Variants in ANKRD26 observed in about 807,000 individuals in gnomAD.
The protein encoded by ANKRD26 is ankyrin repeat domain 26.
Under a neutral mutation model 208.7 loss-of-function variants are expected in ANKRD26, and 141 were observed. That is an observed-to-expected ratio of 0.68 (90% confidence interval 0.59 to 0.78). ANKRD26 has a LOEUF of 0.78. Ranked by LOEUF, ANKRD26 falls within the 30% of genes least tolerant of loss-of-function variation. The pLI is 0.00. For synonymous variants in ANKRD26, 636 were observed against 660.4 expected, an observed-to-expected ratio of 0.96 and a Z score of 0.57; for missense variants, 1,889 against 1,938.7, an observed-to-expected ratio of 0.97 and a Z score of 0.48.
intron 25 of ANKRD26, among the ~76,000 whole-genome samples, chr10:27,032,647 A>C (rs1179844840): frequency 6.6e-6 from 1 of 150,418 alleles, no homozygotes; most frequent in East Asian, 2.0e-4. Flanking sequence ...AAAAAAAAAC[A>C]AAAAACAAAA....
chr10:26,993,396 T>C (rs2052524446), intron 5 of ANKRD26, among the ~76,000 whole-genome samples: 1 of 152,214 alleles, frequency 6.6e-6, no homozygotes, highest in Non-Finnish European at 1.5e-5. Context: ...ATCCACCCCA[T>C]ATCTCCTGGA....
intron 25 of ANKRD26, among the ~76,000 whole-genome samples, chr10:27,029,838 T>G (rs141316011): frequency 1.3e-5 from 2 of 152,174 alleles, no homozygotes; most frequent in African/African-American, 4.8e-5. Flanking sequence ...CAACTAGATA[T>G]TCATGAAACT....
intron 5 of ANKRD26, among the ~76,000 whole-genome samples, chr10:26,993,966 T>C (rs1160591772): frequency 2.0e-5 from 3 of 152,208 alleles, no homozygotes; most frequent in African/African-American, 7.2e-5. Flanking sequence ...GGTTGTGAAA[T>C]TCATTTTAAC....
intron 7 of ANKRD26, 89 bp from the exon 8 acceptor site, chr10:27,077,782 A>G (rs1007697710): frequency 2.6e-6 from 3 of 1,145,290 alleles, no homozygotes; most frequent in African/African-American, 1.5e-5. Context: ...CCATTACTAC[A>G]TGATCTAACA....
At position 27,035,138 on chromosome 10, in the gene ANKRD26, TGTTTGGCTTA is replaced by T; in HGVS notation, c.3302_3311del (p.Leu1101HisfsTer5). 3.1e-6 allele frequency: 5 copies of T among 1,613,774 alleles called. No homozygotes were observed. The highest frequency in any genetic ancestry group is 4.2e-6 in the Non-Finnish European group (5 of 1,179,856). On this transcript the variant is annotated frameshift_variant, in exon 24 of 34. Transcript: ENST00000376087. LOFTEE classifies it high-confidence loss of function. ...GTTCCATTTCCTTCATTTGACACTG[TGTTTGGCTTA>T]GGTCCTTTTGTACCCGTTCTAAACC...
intron 9 of ANKRD26, among the ~76,000 whole-genome samples, chr10:27,068,018 C>A (rs532473611): frequency 6.6e-6 from 1 of 152,234 alleles, no homozygotes; most frequent in Non-Finnish European, 1.5e-5. Flanking sequence ...AGTAAGGGCA[C>A]AAAAGAGAAC....
chr10:27,045,111 C>G (rs1265370724), intron 18 of ANKRD26, among the ~76,000 whole-genome samples: 1 of 152,178 alleles, frequency 6.6e-6, no homozygotes, highest in East Asian at 1.9e-4. Context: ...CTACTCAACT[C>G]TTTATTCATG....
chr10:26,960,852 C>T, the ANKRD26 span, among the ~76,000 whole-genome samples: 16 of 152,168 alleles, frequency 1.1e-4, no homozygotes, highest in African/African-American at 3.9e-4. Flanking sequence ...ACCCTTCCTG[C>T]AGACAGGAAC....
chr10:26,965,359 C>T, the ANKRD26 span, among the ~76,000 whole-genome samples: 1 of 152,070 alleles, frequency 6.6e-6, no homozygotes, highest in Non-Finnish European at 1.5e-5. Flanking sequence ...TTTGACAAAC[C>T]TGACAAAAAC....
At chr10:27,062,162 A>G (rs964610140) in intron 12 of ANKRD26, 2 of 984,822 alleles carry the variant, frequency 2.0e-6, no homozygotes, top group African/African-American at 3.5e-5. Context: ...CCCATTCTAT[A>G]TTCTTTTTAT....
In ANKRD26 at chr10:27,066,477, T is replaced by A; in HGVS notation, c.1269+10A>T. On this transcript the variant is annotated intron_variant, in intron 11 of 33. Coordinates refer to ENST00000376087, the MANE Select transcript of ANKRD26 (RefSeq NM_014915.3). Reference sequence around the variant, plus strand: ...TATTTTAAAATAATAGTAACAACCATAGAAAGTACCTCAGAATCCCAAGGT... The same window carrying A: ...TATTTTAAAATAATAGTAACAACCAAAGAAAGTACCTCAGAATCCCAAGGT... 1 of 1,571,752 alleles carries A rather than the reference T, an allele frequency of 6.4e-7. No individual in the cohort carries two copies. Among genetic ancestry groups the A allele is most frequent in the South Asian group, 1.1e-5 (1 of 88,694 alleles).
At position 26,998,098 on chromosome 10, in the gene ANKRD26, G is replaced by A. The variant is rs2052636363; in HGVS notation, c.563-2951C>T. On this transcript the variant is annotated intron_variant, in intron 4 of 5. Coordinates refer to the ANKRD26 transcript ENST00000445828. ...TAGCCCAGGATAACTGGTCAGCTAA[G>A]GTAACTAGTTTATTAGTCCTGGCCA... is the stretch of plus-strand genomic sequence containing the variant. 3.3e-5 allele frequency among the ~76,000 whole-genome samples: 5 copies of A among 152,300 alleles called. No individual in the cohort carries two copies. In the South Asian group the frequency reaches 1.0e-3, roughly 32 times the overall value.
At chr10:27,091,473 T>C (rs1179897211) in intron 4 of ANKRD26, among the ~76,000 whole-genome samples, 1 of 151,568 alleles carries the variant, frequency 6.6e-6, no homozygotes, top group African/African-American at 2.4e-5. Flanking sequence ...ATACTAGAAA[T>C]AGAAAAGGAA....
At chr10:26,996,825 G>A (rs952090035) in intron 4 of ANKRD26, among the ~76,000 whole-genome samples, 1 of 152,156 alleles carries the variant, frequency 6.6e-6, no homozygotes, top group Non-Finnish European at 1.5e-5. Flanking sequence ...GAAAACTGGG[G>A]AGGCTAAAGG....
At chr10:27,077,080 A>G (rs948834020) in intron 9 of ANKRD26, 2 of 498,102 alleles carry the variant, frequency 4.0e-6, no homozygotes, top group Non-Finnish European at 7.2e-6. Flanking sequence ...TCTGATGAAT[A>G]TAGATACAAA....
chr10:26,954,761 G>C, the ANKRD26 span, among the ~76,000 whole-genome samples: 1 of 152,070 alleles, frequency 6.6e-6, no homozygotes, highest in Non-Finnish European at 1.5e-5. Flanking sequence ...TAAAATAAGA[G>C]TAGATATGTT....
At chr10:27,091,291 C>T (rs984919941) in intron 4 of ANKRD26, among the ~76,000 whole-genome samples, 2 of 152,160 alleles carry the variant, frequency 1.3e-5, no homozygotes, top group African/African-American at 4.8e-5. Context: ...CCCAAGCTTA[C>T]ACACTTAACA....
At chr10:27,017,028 A>G (rs1289862904) in intron 30 of ANKRD26, among the ~76,000 whole-genome samples, 1 of 152,224 alleles carries the variant, frequency 6.6e-6, no homozygotes, top group Non-Finnish European at 1.5e-5. Context: ...TTTCTACCAA[A>G]AATAAGAATT....
chr10:26,963,735 C>T, the ANKRD26 span, among the ~76,000 whole-genome samples: 2 of 151,974 alleles, frequency 1.3e-5, no homozygotes, highest in African/African-American at 4.8e-5. Context: ...TTGCATATAA[C>T]CTACACACAC....
Sources: allele counts gnomAD v4.1 joint callset (sites outside exome capture counted in the v4.1 genomes callset), GRCh38; gene constraint gnomAD v4.1.1; transcripts MANE v1.5; gene names NCBI Gene and HGNC (gene_info 2026-07-23, HGNC 2026-07-21).